The following MRPS35 variants were observed in gnomAD, a reference collection of about 807,000 sequenced individuals.
The protein encoded by MRPS35 is small ribosomal subunit protein mS35.
MRPS35 carries 29 observed loss-of-function variants against 32.7 expected under a neutral mutation model. That is an observed-to-expected ratio of 0.89 (90% CI 0.66 to 1.21). The LOEUF (loss-of-function observed/expected upper bound fraction) is 1.21, where lower values mean the gene tolerates loss of function less well. Among genes scored for constraint, MRPS35 ranks in the 50% most tolerant of loss-of-function variants. The pLI is 0.00. For synonymous variants in MRPS35, 148 were observed against 139.3 expected, an observed-to-expected ratio of 1.06 and a Z score of -0.44; for missense variants, 373 against 383.8, an observed-to-expected ratio of 0.97 and a Z score of 0.23.
chr12:27,719,880 T>C lies in MRPS35; in HGVS notation c.382+12T>C. The C allele has an allele frequency of 6.4e-7, 1 of 1,564,998 alleles. No individual in the cohort carries two copies. On this transcript the variant is annotated intron_variant, in intron 4 of 7. Transcript: ENST00000081029. ...TGAAGCCCTTAAAGGTAAGTGGTTA[T>C]TTTCTTATATGAATTTTATATTGAC...
At chr12:27,729,932 A>G (rs184775350) in intron 5 of MRPS35, among the ~76,000 whole-genome samples, 6 of 152,348 alleles carry the variant, frequency 3.9e-5, no homozygotes, top group Admixed American at 1.3e-4. Flanking sequence ...TACACATGGC[A>G]TATCTTTTTC....
At chr12:27,713,206 C>T (rs1043981713) in intron 1 of MRPS35, among the ~76,000 whole-genome samples, 2 of 152,198 alleles carry the variant, frequency 1.3e-5, no homozygotes, top group East Asian at 1.9e-4. Context: ...TTCATGGCTA[C>T]GTCCTGCTCA....
intron 4 of MRPS35, among the ~76,000 whole-genome samples, chr12:27,721,856 G>T (rs1441021019): frequency 1.3e-5 from 2 of 151,934 alleles, no homozygotes; most frequent in African/African-American, 2.4e-5. Flanking sequence ...AGAGGCCAAG[G>T]AAAAAGGATT....
At chr12:27,727,466 A>G (rs1450142591) in intron 5 of MRPS35, among the ~76,000 whole-genome samples, 1 of 152,128 alleles carries the variant, frequency 6.6e-6, no homozygotes, top group Non-Finnish European at 1.5e-5. Context: ...CATGCTACAC[A>G]GGTTTGTAGC....
rs375985518 is a variant in MRPS35 at position 27,737,548 on chromosome 12, A to C, written c.642A>C (p.Leu214Phe). 7.4e-5 allele frequency: 119 copies of C among 1,612,148 alleles called. No homozygotes were observed. The highest frequency in any genetic ancestry group is 8.7e-5 in the Non-Finnish European group (103 of 1,178,664). ...VLTIKTDRCP[L>F]RRQNYDYAVY... ...GCTTTCTCTTTAATAGGTGCCCTTT[A>C]AGGAGGCAGAATTACGATTATGCAG... Residue 214 changes from leucine to phenylalanine, a missense_variant, in exon 7 of 8, where the codon TTA (leucine) becomes TTC (phenylalanine). By Grantham distance (22) the Leu-to-Phe change is conservative (BLOSUM62 0). Coordinates refer to ENST00000081029, the MANE Select transcript of MRPS35 (RefSeq NM_021821.4).
chr12:27,753,657 C>T (rs553153295), intron 7 of MRPS35, among the ~76,000 whole-genome samples: 1 of 152,148 alleles, frequency 6.6e-6, no homozygotes, highest in South Asian at 2.1e-4. Flanking sequence ...AGTTGTTATT[C>T]AGAATAATAG....
intron 6 of MRPS35, among the ~76,000 whole-genome samples, chr12:27,736,814 A>C (rs1308619469): frequency 1.3e-5 from 2 of 152,358 alleles, no homozygotes; most frequent in East Asian, 3.9e-4. Flanking sequence ...CATTTTTAAA[A>C]GAATCAGCTC....
In MRPS35 at chr12:27,724,404, T is replaced by G. The variant is rs1017839512; in HGVS notation, c.522+218T>G. Among the ~76,000 whole-genome samples the G allele has an allele frequency of 3.9e-5, 6 of 152,118 alleles. 1 individual carries two copies. Among genetic ancestry groups the G allele is most frequent in the African/African-American group, 1.4e-4 (6 of 41,510 alleles). ...TAAAGAAAGAAATTGATATGTGTGATTATAAAACTGTAATATTTTTCACAG... is the reference window on the plus strand; with the variant it reads ...TAAAGAAAGAAATTGATATGTGTGAGTATAAAACTGTAATATTTTTCACAG... On this transcript the variant is annotated intron_variant, in intron 5 of 7. Transcript: ENST00000081029.
chr12:27,732,500 T>C (rs2061925505), intron 5 of MRPS35, among the ~76,000 whole-genome samples: 1 of 152,146 alleles, frequency 6.6e-6, no homozygotes, highest in South Asian at 2.1e-4. Flanking sequence ...TGAGGCTCAG[T>C]GGTGGTGTCC....
chr12:27,715,182 C>T (rs1274136597), intron 2 of MRPS35, among the ~76,000 whole-genome samples: 1 of 152,212 alleles, frequency 6.6e-6, no homozygotes, highest in African/African-American at 2.4e-5. Flanking sequence ...TGTTGCCCAG[C>T]TGGAGTGCAG....
chr12:27,728,722 C>T (rs930149336), intron 5 of MRPS35, among the ~76,000 whole-genome samples: 2 of 152,064 alleles, frequency 1.3e-5, no homozygotes, highest in Non-Finnish European at 2.9e-5. Flanking sequence ...TCCCTTCTTC[C>T]TGATGAATTT....
At chr12:27,753,613 T>A (rs2140787464) in intron 7 of MRPS35, among the ~76,000 whole-genome samples, 1 of 152,322 alleles carries the variant, frequency 6.6e-6, no homozygotes, top group South Asian at 2.1e-4. Flanking sequence ...GCCTCACAAA[T>A]ATACTCATCT....
At chr12:27,745,589 T>A (rs1014211899) in intron 7 of MRPS35, among the ~76,000 whole-genome samples, 28 of 152,194 alleles carry the variant, frequency 1.8e-4, no homozygotes, top group African/African-American at 6.7e-4. Context: ...TAAATTATAC[T>A]TTAAGTTTTA....
At chr12:27,749,072 AT>A (rs1271296460) in intron 7 of MRPS35, among the ~76,000 whole-genome samples, 2 of 152,182 alleles carry the variant, frequency 1.3e-5, no homozygotes, top group Admixed American at 6.5e-5. Flanking sequence ...TAAAAAACGG[AT>A]TTAAGATGTA....
chr12:27,732,667 T>C (rs1412131667), intron 5 of MRPS35, among the ~76,000 whole-genome samples: 3 of 152,154 alleles, frequency 2.0e-5, no homozygotes, highest in African/African-American at 7.2e-5. Context: ...AAAAAAAATT[T>C]TGATAGTCAT....
chr12:27,730,090 A>G (rs188804422), intron 5 of MRPS35, among the ~76,000 whole-genome samples: 3 of 152,358 alleles, frequency 2.0e-5, no homozygotes, highest in Admixed American at 2.0e-4. Context: ...AAAATATACT[A>G]TGGTACGTTT....
At chr12:27,754,943 A>G (rs2140788553) in intron 7 of MRPS35, among the ~76,000 whole-genome samples, 1 of 152,292 alleles carries the variant, frequency 6.6e-6, no homozygotes, top group African/African-American at 2.4e-5. Flanking sequence ...TTGACAGACC[A>G]GTGTTCACGT....
At chr12:27,740,423 A>G (rs748794652) in intron 7 of MRPS35, among the ~76,000 whole-genome samples, 3 of 152,102 alleles carry the variant, frequency 2.0e-5, no homozygotes, top group Non-Finnish European at 4.4e-5. Context: ...GCATGGCACC[A>G]TGCCCAGCTA....
intron 2 of MRPS35, 69 bp downstream of exon 2, chr12:27,714,889 T>C: frequency 7.3e-7 from 1 of 1,367,700 alleles, no homozygotes; most frequent in East Asian, 2.3e-5. Context: ...ATATTCATTA[T>C]AAGGCAGAAG....
Sources: allele counts gnomAD v4.1 joint callset (sites outside exome capture counted in the v4.1 genomes callset), GRCh38; gene constraint gnomAD v4.1.1; transcripts MANE v1.5; gene names NCBI Gene and HGNC (gene_info 2026-07-23, HGNC 2026-07-21).